The following PTGES3 variants were observed in gnomAD, a reference collection of about 807,000 sequenced individuals.
PTGES3 encodes Hsp90 co-chaperone.
In PTGES3, 5 loss-of-function variants were observed where a neutral mutation model predicts 29.9. The observed-to-expected ratio is 0.17, with a 90% CI of 0.09 to 0.35. PTGES3 has a LOEUF of 0.35. Among genes scored for constraint, PTGES3 ranks in the 10% least tolerant of loss-of-function variants. PTGES3 has a pLI of 1.00. For missense variants in PTGES3, 128 were observed against 190.0 expected (o/e 0.67, Z 1.92); for synonymous variants, 49 against 57.8 (o/e 0.85, Z 0.69).
In PTGES3 at chr12:56,679,873, T is replaced by C. The variant is rs181405748; in HGVS notation, c.3-6808A>G. Among the ~76,000 whole-genome samples the C allele has an allele frequency of 6.4e-4, 97 of 152,010 alleles. 2 individuals are homozygous for C. The East Asian group carries it at 0.016, about 25-fold the overall frequency. On this transcript the variant is annotated intron_variant, in intron 1 of 7. Transcript: ENST00000262033. ...TATTTTTAGTAGAGACGAGGTGTCA[T>C]CATGTTGGCAAGGCTGATCTTTAAC... is the stretch of plus-strand genomic sequence containing the variant.
intron 1 of PTGES3, among the ~76,000 whole-genome samples, chr12:56,683,193 T>C (rs1014147488): frequency 2.7e-5 from 4 of 150,544 alleles, no homozygotes; most frequent in African/African-American, 9.8e-5. Flanking sequence ...ACTAAAAATA[T>C]ATAAAATTAG....
rs1952963439 is a variant in PTGES3, at chr12:56,687,972, T to C, written c.2+26A>G. 1.9e-6 allele frequency: 3 copies of C among 1,601,802 alleles called. No individual in the cohort carries two copies. In the South Asian group the frequency reaches 3.3e-5, roughly 18 times the overall value. ...GCGGCCTCGGCCTCACTCGGCGACCTTCCCTCGGCGGGGTGTCGCACTCAC... is the reference window on the plus strand; with the variant it reads ...GCGGCCTCGGCCTCACTCGGCGACCCTCCCTCGGCGGGGTGTCGCACTCAC... On this transcript the variant is annotated intron_variant, in intron 1 of 7. Coordinates refer to ENST00000262033, the MANE Select transcript of PTGES3 (RefSeq NM_006601.7).
intron 1 of PTGES3, chr12:56,687,646 C>T: frequency 1.4e-5 from 17 of 1,191,328 alleles, no homozygotes; most frequent in Non-Finnish European, 1.7e-5. Context: ...AGAGGCGACC[C>T]ACGAAGGTTC....
intron 1 of PTGES3, among the ~76,000 whole-genome samples, chr12:56,675,491 T>C (rs545910464): frequency 3.5e-5 from 5 of 142,678 alleles, no homozygotes; most frequent in South Asian, 4.4e-4. Flanking sequence ...ATCACACTAC[T>C]GCACTCTAGC....
intron 1 of PTGES3, among the ~76,000 whole-genome samples, chr12:56,686,252 A>C (rs1360719472): frequency 1.3e-5 from 2 of 152,218 alleles, no homozygotes. Context: ...TTAATGCCTC[A>C]TCTGACAAAA....
chr12:56,673,281 T>C lies in PTGES3; in HGVS notation c.3-216A>G, dbSNP rs1239476236. Among the ~76,000 whole-genome samples, 3 of 151,946 alleles carry C rather than the reference T, an allele frequency of 2.0e-5. No individual in the cohort carries two copies. The highest frequency in any genetic ancestry group is 4.8e-5 in the African/African-American group (2 of 41,396). On this transcript the variant is annotated intron_variant, in intron 1 of 7. Coordinates refer to ENST00000262033, the MANE Select transcript of PTGES3 (RefSeq NM_006601.7). The stretch of plus-strand genomic sequence containing the variant: ...GATTCCAATTTCATAATAGGAAAGA[T>C]TTAAAAACCAAACAATGCTTAGTAG...
intron 1 of PTGES3, among the ~76,000 whole-genome samples, chr12:56,682,054 C>G (rs4262757): frequency 1.3e-5 from 2 of 151,894 alleles, no homozygotes; most frequent in Admixed American, 1.3e-4. Flanking sequence ...ACCATGTTGG[C>G]CAGGCTAGTC....
chr12:56,665,587 C>T (rs1309381846), intron 6 of PTGES3: 29 of 985,336 alleles, frequency 2.9e-5, no homozygotes, highest in African/African-American at 1.7e-5. Context: ...CTGACCAATC[C>T]TGACATAAAA....
At chr12:56,683,998 A>C (rs1258356962) in intron 1 of PTGES3, among the ~76,000 whole-genome samples, 1 of 151,192 alleles carries the variant, frequency 6.6e-6, no homozygotes, top group Non-Finnish European at 1.5e-5. Context: ...AAAAAACCCC[A>C]AAACTGTAAT....
chr12:56,676,030 CA>C (rs1175177365), intron 1 of PTGES3, among the ~76,000 whole-genome samples: 5 of 151,714 alleles, frequency 3.3e-5, no homozygotes, highest in Non-Finnish European at 7.4e-5. Context: ...AGTTTGAGAC[CA>C]GTCTGACCAA....
chr12:56,673,484 GGAAAAAAAAAA>G (rs1453819376), intron 1 of PTGES3, among the ~76,000 whole-genome samples: 11 of 36,848 alleles, frequency 3.0e-4, no homozygotes, highest in Admixed American at 9.4e-4. Flanking sequence ...ATACAAATAC[GGAAAAAAAAAA>G]AAAAAAAAAA....
At chr12:56,666,111 A>G in intron 6 of PTGES3, 93 bp downstream of exon 6, 11 of 1,404,294 alleles carry the variant, frequency 7.8e-6, no homozygotes, top group Admixed American at 5.9e-5. Flanking sequence ...AATAAGAAGT[A>G]ATTGTGAATC....
At chr12:56,672,880 A>C in intron 2 of PTGES3, 71 bp from the exon 3 acceptor site, 1 of 1,548,692 alleles carries the variant, frequency 6.5e-7, no homozygotes, top group Non-Finnish European at 8.7e-7. Context: ...TTCAATGAAA[A>C]GACAAGCCAG....
chr12:56,687,700 G>T, intron 1 of PTGES3: 1 of 1,336,086 alleles, frequency 7.5e-7, no homozygotes, highest in Non-Finnish European at 9.6e-7. Context: ...GGGAGCTTAA[G>T]GCCTAGGGTG....
At chr12:56,681,889 T>C (rs1952560204) in intron 1 of PTGES3, among the ~76,000 whole-genome samples, 1 of 151,908 alleles carries the variant, frequency 6.6e-6, no homozygotes, top group Non-Finnish European at 1.5e-5. Flanking sequence ...TAACCCAGGC[T>C]GGAGTGCAGC....
intron 7 of PTGES3, 76 bp downstream of exon 7, chr12:56,664,700 A>C: frequency 1.3e-6 from 2 of 1,511,600 alleles, no homozygotes. Context: ...CTTCCAAAGA[A>C]GTTAACATCT....
intron 5 of PTGES3, among the ~76,000 whole-genome samples, chr12:56,669,637 G>A (rs376885335): frequency 6.6e-6 from 1 of 151,374 alleles, no homozygotes; most frequent in African/African-American, 2.4e-5. Flanking sequence ...TTATTTGACC[G>A]AGTCCCGCTC....
At chr12:56,680,537 C>A (rs913356727) in intron 1 of PTGES3, among the ~76,000 whole-genome samples, 1 of 152,052 alleles carries the variant, frequency 6.6e-6, no homozygotes, top group African/African-American at 2.4e-5. Context: ...AGGCATGTGC[C>A]GTCAGGCCTA....
At chr12:56,669,705 G>A (rs1474098468) in intron 5 of PTGES3, among the ~76,000 whole-genome samples, 3 of 152,130 alleles carry the variant, frequency 2.0e-5, no homozygotes, top group Non-Finnish European at 2.9e-5. Context: ...TCTGCCTCCA[G>A]CGTTCAAGCA....
Sources: allele counts gnomAD v4.1 joint callset (sites outside exome capture counted in the v4.1 genomes callset), GRCh38; gene constraint gnomAD v4.1.1; transcripts MANE v1.5; gene names NCBI Gene and HGNC (gene_info 2026-07-23, HGNC 2026-07-21).